Variants in NELL1 observed in about 807,000 individuals in gnomAD.
NELL1 encodes the protein protein kinase C-binding protein NELL1.
NELL1 carries 76 observed loss-of-function variants against 107.4 expected under a neutral mutation model. The ratio of observed to expected loss-of-function variants is 0.71; its 90% CI spans 0.59 to 0.86. NELL1 has a LOEUF of 0.86. Among genes scored for constraint, NELL1 ranks in the 40% least tolerant of loss-of-function variants. NELL1 has a pLI of 0.00. For synonymous variants in NELL1, 353 were observed against 341.2 expected (o/e 1.03, Z -0.38); for missense variants, 1,024 against 1,005.5 (o/e 1.02, Z -0.25).
intron 15 of NELL1, among the ~76,000 whole-genome samples, chr11:21,494,442 CA>C (rs1854921568): frequency 6.6e-6 from 1 of 151,882 alleles, no homozygotes; most frequent in African/African-American, 2.4e-5. Flanking sequence ...AAAATTTTTC[CA>C]GAATTGCATA....
chr11:20,782,797 G>A (rs1856876953), intron 2 of NELL1, among the ~76,000 whole-genome samples: 1 of 152,170 alleles, frequency 6.6e-6, no homozygotes. Flanking sequence ...TGCTCCCTTA[G>A]TGCCCCTTTC....
At chr11:21,250,601 CACAA>C (rs1356033654) in intron 14 of NELL1, among the ~76,000 whole-genome samples, 1 of 152,096 alleles carries the variant, frequency 6.6e-6, no homozygotes, top group Admixed American at 6.6e-5. Flanking sequence ...GAATTTAGAA[CACAA>C]ACAAACTCAA....
intron 5 of NELL1, among the ~76,000 whole-genome samples, chr11:20,903,662 G>A (rs1849928419): frequency 6.6e-6 from 1 of 152,034 alleles, no homozygotes; most frequent in African/African-American, 2.4e-5. Context: ...TTTTAGATTA[G>A]TTGTTCTCTA....
chr11:21,231,339 A>G (rs1430086786), intron 14 of NELL1, among the ~76,000 whole-genome samples: 2 of 152,174 alleles, frequency 1.3e-5, no homozygotes, highest in African/African-American at 4.8e-5. Flanking sequence ...TATGAACTCC[A>G]TGTTATTTGC....
In NELL1 at chr11:21,315,890, AGT is replaced by A. The variant is rs10535605; in HGVS notation, c.1550-54936_1550-54935del. ...TGGTGGTGGTGGTGGTGGTGGTGTG[AGT>A]GTGTGTGTGTGTGTGTGTGTGTGTG... On this transcript the variant is annotated intron_variant, in intron 14 of 19. Transcript: ENST00000357134. 8.8e-3 allele frequency among the ~76,000 whole-genome samples: 1,320 copies of A among 149,568 alleles called. 18 individuals carry two copies. The highest frequency in any genetic ancestry group is 0.026 in the African/African-American group (1,060 of 40,884).
At chr11:21,390,366 TGA>T (rs1491157180) in intron 15 of NELL1, among the ~76,000 whole-genome samples, 1 of 131,390 alleles carries the variant, frequency 7.6e-6, no homozygotes, top group Non-Finnish European at 1.7e-5. Context: ...ATAATAACAA[TGA>T]TAATAATAAT....
At chr11:21,029,164 C>A (rs1007381473) in intron 12 of NELL1, among the ~76,000 whole-genome samples, 7 of 152,052 alleles carry the variant, frequency 4.6e-5, no homozygotes, top group African/African-American at 1.7e-4. Flanking sequence ...TAATCGTATT[C>A]ATTAAAGGGG....
At chr11:20,914,072 T>A (rs1850192983) in intron 5 of NELL1, among the ~76,000 whole-genome samples, 1 of 152,096 alleles carries the variant, frequency 6.6e-6, no homozygotes, top group Non-Finnish European at 1.5e-5. Context: ...AAATTATATA[T>A]TTTTACCTAC....
intron 2 of NELL1, among the ~76,000 whole-genome samples, chr11:20,757,818 T>C (rs1856331594): frequency 6.6e-6 from 1 of 152,232 alleles, no homozygotes; most frequent in Non-Finnish European, 1.5e-5. Flanking sequence ...TTTTGGTATG[T>C]TCCTTCTATT....
chr11:20,702,839 A>G lies in NELL1; in HGVS notation c.184+24779A>G, dbSNP rs574421864. Among the ~76,000 whole-genome samples the G allele has an allele frequency of 2.6e-5, 4 of 152,152 alleles. No homozygotes were observed. In the East Asian group the frequency reaches 5.8e-4, roughly 22 times the overall value. On this transcript the variant is annotated intron_variant, in intron 2 of 19. Coordinates refer to ENST00000357134, the MANE Select transcript of NELL1 (RefSeq NM_006157.5). ...TTGATTTGTGTATGTTGAAGCAGCC[A>G]TGCATCCCAGGGATGAAGCCCACTT...
At chr11:21,551,671 A>G (rs1295504685) in intron 16 of NELL1, among the ~76,000 whole-genome samples, 1 of 151,492 alleles carries the variant, frequency 6.6e-6, no homozygotes, top group Non-Finnish European at 1.5e-5. Flanking sequence ...AAATAGGAAC[A>G]CTTTTACACT....
At chr11:21,187,010 A>G (rs1053613023) in intron 13 of NELL1, among the ~76,000 whole-genome samples, 2 of 151,914 alleles carry the variant, frequency 1.3e-5, no homozygotes, top group East Asian at 3.8e-4. Context: ...TGAAATAGAA[A>G]TAATAATATT....
intron 12 of NELL1, among the ~76,000 whole-genome samples, chr11:21,061,559 C>T (rs576864569): frequency 9.6e-4 from 146 of 152,184 alleles, no homozygotes; most frequent in Non-Finnish European, 1.7e-3. Flanking sequence ...TTTTGTCTAC[C>T]CATCTGAAAA....
chr11:21,337,849 C>A (rs1293967017), intron 14 of NELL1, among the ~76,000 whole-genome samples: 1 of 131,424 alleles, frequency 7.6e-6, no homozygotes, highest in Non-Finnish European at 1.7e-5. Context: ...TTCTTTCTTT[C>A]TTTCTTTCTT....
At chr11:21,256,419 C>A (rs1038620299) in intron 14 of NELL1, among the ~76,000 whole-genome samples, 1 of 151,956 alleles carries the variant, frequency 6.6e-6, no homozygotes, top group Admixed American at 6.6e-5. Flanking sequence ...AATCAAGTGG[C>A]AACAATTAAG....
At chr11:20,828,925 A>G (rs1361987936) in intron 3 of NELL1, among the ~76,000 whole-genome samples, 1 of 152,178 alleles carries the variant, frequency 6.6e-6, no homozygotes, top group Non-Finnish European at 1.5e-5. Flanking sequence ...TTGGGAAAAA[A>G]CTATGATTCA....
At chr11:20,736,160 G>T (rs1855756064) in intron 2 of NELL1, among the ~76,000 whole-genome samples, 1 of 152,154 alleles carries the variant, frequency 6.6e-6, no homozygotes, top group South Asian at 2.1e-4. Context: ...AGGGCAAGTG[G>T]GGGGTGAAGG....
At chr11:20,727,362 T>C (rs1019449700) in intron 2 of NELL1, among the ~76,000 whole-genome samples, 3 of 152,262 alleles carry the variant, frequency 2.0e-5, no homozygotes, top group Admixed American at 6.5e-5. Context: ...GATGAGCATT[T>C]TTTCATTTAT....
chr11:21,536,903 C>G lies in NELL1; in HGVS notation c.1786+2389C>G, dbSNP rs1029291383. 2.0e-5 allele frequency among the ~76,000 whole-genome samples: 3 copies of G among 152,150 alleles called. No homozygotes were observed. The East Asian group carries it at 5.8e-4, about 29-fold the overall frequency. On this transcript the variant is annotated intron_variant, in intron 16 of 19. Transcript: ENST00000357134. The stretch of plus-strand genomic sequence containing the variant: ...CACCTGTCCTGGTGCTCATTTCTCT[C>G]TAACATGCTGAGTGGCATGTCTGAA...
Sources: allele counts gnomAD v4.1 joint callset (sites outside exome capture counted in the v4.1 genomes callset), GRCh38; gene constraint gnomAD v4.1.1; transcripts MANE v1.5; gene names NCBI Gene and HGNC (gene_info 2026-07-23, HGNC 2026-07-21).